EPHA5: variants seen among roughly 807,000 people sequenced by gnomAD.
The protein encoded by EPHA5 is EPH receptor A5.
A neutral mutation model predicts 105.0 loss-of-function variants in EPHA5; 60 were observed. That is an observed-to-expected ratio of 0.57 (90% CI 0.46 to 0.71). The LOEUF (loss-of-function observed/expected upper bound fraction) is 0.71, where lower values mean the gene tolerates loss of function less well. Ranked by LOEUF, EPHA5 falls within the 30% of genes least tolerant of loss-of-function variation. EPHA5 has a pLI of 0.00. For synonymous variants in EPHA5, 513 were observed against 449.1 expected, an observed-to-expected ratio of 1.14 and a Z score of -1.80; for missense variants, 1,218 against 1,274.7, an observed-to-expected ratio of 0.96 and a Z score of 0.68.
At chr4:65,488,155 TTTAA>T (rs1315624816) in intron 5 of EPHA5, among the ~76,000 whole-genome samples, 3 of 152,188 alleles carry the variant, frequency 2.0e-5, no homozygotes, top group Non-Finnish European at 4.4e-5. Context: ...TTTTTTGGTA[TTTAA>T]GGTATTCAAG....
chr4:65,395,724 ACAAT>A (rs1384227421), intron 8 of EPHA5, among the ~76,000 whole-genome samples: 5 of 152,248 alleles, frequency 3.3e-5, no homozygotes, highest in African/African-American at 1.2e-4. Context: ...CATGATCATG[ACAAT>A]CAAAGAGAAG....
intron 2 of EPHA5, among the ~76,000 whole-genome samples, chr4:65,619,594 G>A (rs913107223): frequency 6.6e-6 from 1 of 151,974 alleles, no homozygotes; most frequent in African/African-American, 2.4e-5. Context: ...AAATGAGTAA[G>A]GACTGGTGTA....
At chr4:65,515,304 A>G (rs1438773559) in intron 3 of EPHA5, among the ~76,000 whole-genome samples, 1 of 152,150 alleles carries the variant, frequency 6.6e-6, no homozygotes, top group African/African-American at 2.4e-5. Flanking sequence ...AAAAAAAACA[A>G]CAACATTGCT....
At chr4:65,480,665 A>G (rs889983913) in intron 5 of EPHA5, among the ~76,000 whole-genome samples, 6 of 152,086 alleles carry the variant, frequency 3.9e-5, no homozygotes, top group African/African-American at 1.4e-4. Flanking sequence ...CTTGTCATTC[A>G]TTGTTCAACA....
intron 5 of EPHA5, among the ~76,000 whole-genome samples, chr4:65,474,191 T>G (rs1729573061): frequency 6.6e-6 from 1 of 152,080 alleles, no homozygotes; most frequent in Non-Finnish European, 1.5e-5. Flanking sequence ...AAGAAATGAA[T>G]TCTTTTTAAT....
At chr4:65,447,578 A>T (rs529994532) in intron 5 of EPHA5, among the ~76,000 whole-genome samples, 3 of 151,726 alleles carry the variant, frequency 2.0e-5, no homozygotes, top group Non-Finnish European at 1.5e-5. Context: ...AAACTGGAAG[A>T]CCTCTAAATC....
At chr4:65,562,591 A>T (rs1739128526) in intron 3 of EPHA5, among the ~76,000 whole-genome samples, 1 of 152,078 alleles carries the variant, frequency 6.6e-6, no homozygotes, top group South Asian at 2.1e-4. Context: ...TGCATGTGGA[A>T]GACATATGGT....
chr4:65,582,034 CTA>C (rs1255570566), intron 3 of EPHA5, among the ~76,000 whole-genome samples: 1 of 151,662 alleles, frequency 6.6e-6, no homozygotes, highest in Non-Finnish European at 1.5e-5. Flanking sequence ...GCTGTAGACA[CTA>C]TGAAGCATAT....
chr4:65,495,670 G>T, intron 3 of EPHA5, 127 bp from the exon 4 acceptor site: 1 of 733,938 alleles, frequency 1.4e-6, no homozygotes, highest in Non-Finnish European at 2.1e-6. Flanking sequence ...TCAATTTCAA[G>T]AAGTTTTCAT....
In EPHA5 at chr4:65,501,888, C is replaced by T. The variant is rs183544386; in HGVS notation, c.911-6345G>A. On this transcript the variant is annotated intron_variant, in intron 3 of 16. Transcript: ENST00000613740. ...TTCCAGTAAGTGAAATAGCACGGTACTGGTAGAAAAACAGACACATAAACG... is the reference window on the plus strand; with the variant it reads ...TTCCAGTAAGTGAAATAGCACGGTATTGGTAGAAAAACAGACACATAAACG... 2.6e-5 allele frequency among the ~76,000 whole-genome samples: 4 copies of T among 151,766 alleles called. No homozygotes were observed. The East Asian group carries it at 7.7e-4, about 29-fold the overall frequency.
intron 3 of EPHA5, among the ~76,000 whole-genome samples, chr4:65,512,458 G>A (rs966510975): frequency 6.6e-6 from 1 of 152,220 alleles, no homozygotes; most frequent in Middle Eastern, 3.4e-3. Flanking sequence ...TGATGGGGTT[G>A]CATCCTTCAT....
chr4:65,669,273 G>C (rs563533464), intron 1 of EPHA5, among the ~76,000 whole-genome samples: 1 of 151,678 alleles, frequency 6.6e-6, no homozygotes, highest in Non-Finnish European at 1.5e-5. Context: ...CCCCAAAGGA[G>C]GCCTCGACCT....
intron 5 of EPHA5, among the ~76,000 whole-genome samples, chr4:65,442,679 T>C (rs1362664943): frequency 6.6e-6 from 1 of 152,208 alleles, no homozygotes; most frequent in Non-Finnish European, 1.5e-5. Flanking sequence ...TGTTGCATTA[T>C]TAAATTTCTG....
At chr4:65,408,002 T>G (rs901385749) in intron 7 of EPHA5, among the ~76,000 whole-genome samples, 1 of 152,148 alleles carries the variant, frequency 6.6e-6, no homozygotes, top group Non-Finnish European at 1.5e-5. Flanking sequence ...TGAGCTCAAG[T>G]GATTCGCCCA....
intron 8 of EPHA5, among the ~76,000 whole-genome samples, chr4:65,388,155 T>C (rs1422031495): frequency 6.7e-6 from 1 of 150,316 alleles, no homozygotes; most frequent in Non-Finnish European, 1.5e-5. Context: ...ACTCATCATT[T>C]TTTATGGCTG....
intron 14 of EPHA5, among the ~76,000 whole-genome samples, chr4:65,346,408 G>C (rs1046605517): frequency 4.6e-5 from 7 of 151,688 alleles, no homozygotes; most frequent in Non-Finnish European, 1.5e-5. Context: ...GATTTTTCCT[G>C]TTTTTAAAGA....
intron 3 of EPHA5, among the ~76,000 whole-genome samples, chr4:65,576,073 G>T (rs999242042): frequency 2.2e-5 from 1 of 44,568 alleles, no homozygotes; most frequent in Non-Finnish European, 4.6e-5. Flanking sequence ...GAAAAGAAAA[G>T]AAAAGAAAAG....
intron 1 of EPHA5, among the ~76,000 whole-genome samples, chr4:65,656,691 G>A (rs930986461): frequency 6.7e-6 from 1 of 150,302 alleles, no homozygotes; most frequent in Non-Finnish European, 1.5e-5. Context: ...AGGGCTCACT[G>A]AAGCCTCAAC....
chr4:65,427,622 G>A (rs1375955027), intron 5 of EPHA5, among the ~76,000 whole-genome samples: 2 of 152,092 alleles, frequency 1.3e-5, no homozygotes, highest in Admixed American at 6.6e-5. Context: ...TCTTCACAAA[G>A]GTGGAAAAGG....
Sources: allele counts gnomAD v4.1 joint callset (sites outside exome capture counted in the v4.1 genomes callset), GRCh38; gene constraint gnomAD v4.1.1; transcripts MANE v1.5; gene names NCBI Gene and HGNC (gene_info 2026-07-23, HGNC 2026-07-21).